The following CAMTA1 variants were observed in gnomAD, a reference collection of about 807,000 sequenced individuals.
CAMTA1 encodes calmodulin binding transcription activator 1, also known as calmodulin-binding transcription activator 1.
A neutral mutation model predicts 170.9 loss-of-function variants in CAMTA1; 27 were observed. The observed-to-expected ratio is 0.16, with a 90% CI of 0.12 to 0.22. The LOEUF is 0.22. Ranked by LOEUF, CAMTA1 falls within the 10% of genes least tolerant of loss-of-function variation. CAMTA1 has a pLI of 1.00. For synonymous variants in CAMTA1, 833 were observed against 891.5 expected, an observed-to-expected ratio of 0.93 and a Z score of 1.17; for missense variants, 1,619 against 2,217.2, an observed-to-expected ratio of 0.73 and a Z score of 5.42.
chr1:7,696,072 G>A (rs559016264), intron 11 of CAMTA1, among the ~76,000 whole-genome samples: 1 of 152,314 alleles, frequency 6.6e-6, no homozygotes, highest in African/African-American at 2.4e-5. Context: ...CTCAGTGGCT[G>A]TGAGGATGGT....
chr1:7,004,185 T>C (rs181110645), intron 3 of CAMTA1, among the ~76,000 whole-genome samples: 10 of 152,368 alleles, frequency 6.6e-5, no homozygotes. Context: ...TGAAAAATTG[T>C]CTATTTGAAG....
At chr1:6,818,669 C>T (rs1011405780) in intron 1 of CAMTA1, among the ~76,000 whole-genome samples, 2 of 152,104 alleles carry the variant, frequency 1.3e-5, no homozygotes, top group Admixed American at 1.3e-4. Flanking sequence ...GACAGGGTTT[C>T]ACTCTGTCAT....
At chr1:7,129,207 A>G (rs1645109119) in intron 4 of CAMTA1, among the ~76,000 whole-genome samples, 1 of 152,104 alleles carries the variant, frequency 6.6e-6, no homozygotes, top group South Asian at 2.1e-4. Context: ...ATGTGGAAGG[A>G]CTTGCCATGA....
chr1:7,713,896 G>A (rs1303742385), intron 11 of CAMTA1, among the ~76,000 whole-genome samples: 5 of 152,158 alleles, frequency 3.3e-5, no homozygotes, highest in African/African-American at 1.2e-4. Flanking sequence ...TCTCTTATCT[G>A]TATATTTCAT....
chr1:7,645,135 G>A (rs1182422079), intron 7 of CAMTA1, among the ~76,000 whole-genome samples: 1 of 152,220 alleles, frequency 6.6e-6, no homozygotes, highest in Non-Finnish European at 1.5e-5. Flanking sequence ...TCTCCTCCCA[G>A]ATTAGCCACT....
intron 3 of CAMTA1, among the ~76,000 whole-genome samples, chr1:7,026,852 T>G (rs1702090861): frequency 6.6e-6 from 1 of 152,042 alleles, no homozygotes; most frequent in Non-Finnish European, 1.5e-5. Context: ...ATGGTCTCGA[T>G]CCCCTGACCT....
chr1:6,967,021 C>T (rs1691676787), intron 3 of CAMTA1, among the ~76,000 whole-genome samples: 1 of 151,814 alleles, frequency 6.6e-6, no homozygotes, highest in South Asian at 2.1e-4. Context: ...GTGGGTGGAT[C>T]ACCTGAGGTC....
At chr1:6,822,822 A>ACC (rs1646658679) in intron 2 of CAMTA1, among the ~76,000 whole-genome samples, 1 of 151,436 alleles carries the variant, frequency 6.6e-6, no homozygotes, top group East Asian at 1.9e-4. Context: ...ACACACACAC[A>ACC]CACAAACACA....
intron 4 of CAMTA1, among the ~76,000 whole-genome samples, chr1:7,150,279 G>T (rs545087299): frequency 6.6e-6 from 1 of 152,338 alleles, no homozygotes; most frequent in East Asian, 1.9e-4. Flanking sequence ...GTGGGCACAG[G>T]CCCATTGCAC....
At chr1:7,433,113 G>C (rs185210014) in intron 5 of CAMTA1, among the ~76,000 whole-genome samples, 116 of 152,360 alleles carry the variant, frequency 7.6e-4, no homozygotes, top group African/African-American at 2.7e-3. Context: ...ATTCAATAGA[G>C]CCAGGTTGCC....
chr1:7,676,403 A>C (rs1301657076), intron 10 of CAMTA1, among the ~76,000 whole-genome samples: 1 of 152,208 alleles, frequency 6.6e-6, no homozygotes, highest in Admixed American at 6.5e-5. Flanking sequence ...CCTGGGGACA[A>C]TGGCAAGATG....
intron 5 of CAMTA1, among the ~76,000 whole-genome samples, chr1:7,437,110 G>A (rs1222679591): frequency 1.3e-5 from 2 of 152,072 alleles, no homozygotes; most frequent in African/African-American, 2.4e-5. Context: ...CGCAGAGGAA[G>A]AGGAGGGAGG....
chr1:7,663,874 G>C lies in CAMTA1; in HGVS notation c.1327G>C (p.Ala443Pro). Residue 443 changes from alanine (A) to proline (P), a missense_variant, in exon 9 of 23, where the codon GCC becomes CCC. Ala to Pro is a conservative substitution (Grantham distance 27). This residue lies in a region of CAMTA1 where 731 missense variants were observed against 907.6 expected (regional missense o/e 0.81). Transcript: ENST00000303635. ...CGTGAGCTCTGATGGCCACAAGTTC[G>C]CCTTTCCCACCACGGGCAGCTCGGA... ...LAVSSDGHKF[A>P]FPTTGSSESL... 1.2e-6 allele frequency: 2 copies of C among 1,613,920 alleles called. No individual in the cohort carries two copies. Among genetic ancestry groups the C allele is most frequent in the Non-Finnish European group, 1.7e-6 (2 of 1,180,038 alleles).
At chr1:7,025,995 C>T (rs534402742) in intron 3 of CAMTA1, among the ~76,000 whole-genome samples, 3 of 152,170 alleles carry the variant, frequency 2.0e-5, no homozygotes, top group South Asian at 4.2e-4. Flanking sequence ...TGGCGGATGC[C>T]TGTGGTCCCA....
chr1:7,198,574 T>TC (rs1261604904), intron 4 of CAMTA1, among the ~76,000 whole-genome samples: 1 of 152,036 alleles, frequency 6.6e-6, no homozygotes. Context: ...TGGGTCTCAT[T>TC]TCCAGAGGGT....
rs116134420 is a variant in CAMTA1 at position 6,827,241 on chromosome 1, G to A, written c.234+2031G>A. On this transcript the variant is annotated intron_variant, in intron 3 of 22. Transcript: ENST00000303635. ...CATGCTGAAATCTAGGTAGAGGAGC[G>A]TATGTTCTGAAGGGTGGAGGCAGCA... Among the ~76,000 whole-genome samples, 1,261 of 152,258 alleles carry A rather than the reference G, an allele frequency of 8.3e-3. 20 individuals carry two copies. Among genetic ancestry groups the A allele is most frequent in the African/African-American group, 0.029 (1,205 of 41,554 alleles).
chr1:7,197,857 C>G (rs777573844), intron 4 of CAMTA1, among the ~76,000 whole-genome samples: 9 of 152,006 alleles, frequency 5.9e-5, no homozygotes, highest in African/African-American at 7.2e-5. Flanking sequence ...TTTCGGGACA[C>G]TGGAACATTC....
rs538892890 is a variant in CAMTA1 at position 7,176,690 on chromosome 1, G to A, written c.303-72801G>A. Among the ~76,000 whole-genome samples, 86 of 152,312 alleles carry A rather than the reference G, an allele frequency of 5.6e-4. 1 individual carries two copies. Among genetic ancestry groups the A allele is most frequent in the Non-Finnish European group, 4.4e-5 (3 of 68,028 alleles). On this transcript the variant is annotated intron_variant, in intron 4 of 22. Transcript: ENST00000303635. The stretch of plus-strand genomic sequence containing the variant: ...GGTTTCTACTCTGGATCCTTCCATA[G>A]CATATTTAATCAAGACATTTTTGCA...
At chr1:7,105,169 A>G (rs1485229083) in intron 4 of CAMTA1, among the ~76,000 whole-genome samples, 1 of 152,242 alleles carries the variant, frequency 6.6e-6, no homozygotes, top group Non-Finnish European at 1.5e-5. Context: ...GAATTATTCA[A>G]TTTTCAGGTA....
Sources: allele counts gnomAD v4.1 joint callset (sites outside exome capture counted in the v4.1 genomes callset), GRCh38; gene constraint gnomAD v4.1.1; regional missense constraint gnomAD v4.1.1; transcripts MANE v1.5; gene names NCBI Gene and HGNC (gene_info 2026-07-23, HGNC 2026-07-21).